The following LRRIQ3 variants were observed in gnomAD, a reference collection of about 807,000 sequenced individuals.
The protein encoded by LRRIQ3 is leucine rich repeats and IQ motif containing 3, also known as leucine-rich repeat and IQ domain-containing protein 3.
Under a neutral mutation model 59.3 loss-of-function variants are expected in LRRIQ3, and 75 were observed. The ratio of observed to expected loss-of-function variants is 1.26; its 90% confidence interval spans 1.05 to 1.53. LRRIQ3 has a LOEUF of 1.53. Ranked by LOEUF, LRRIQ3 falls within the 40% of genes most tolerant of loss-of-function variation. LRRIQ3 has a pLI of 0.00. For missense variants in LRRIQ3, 831 were observed against 710.0 expected (o/e 1.17, Z -1.94); for synonymous variants, 250 against 231.3 (o/e 1.08, Z -0.73).
intron 6 of LRRIQ3, among the ~76,000 whole-genome samples, chr1:74,059,180 C>A (rs1472946058): frequency 6.6e-6 from 1 of 152,044 alleles, no homozygotes; most frequent in African/African-American, 2.4e-5. Context: ...CTTTGAAGCA[C>A]AAAGTGGTTT....
intron 3 of LRRIQ3, among the ~76,000 whole-genome samples, chr1:74,161,332 C>G (rs1648646949): frequency 6.6e-6 from 1 of 152,032 alleles, no homozygotes; most frequent in South Asian, 2.1e-4. Context: ...TAGACCATAG[C>G]AGTCTCACCT....
intron 4 of LRRIQ3, among the ~76,000 whole-genome samples, chr1:74,114,177 T>A (rs990656436): frequency 5.3e-5 from 8 of 152,034 alleles, no homozygotes; most frequent in Middle Eastern, 6.9e-3. Context: ...TAAAGAGAAC[T>A]AAAAATGATA....
At position 74,041,621 on chromosome 1, in the gene LRRIQ3, T is replaced by C; in HGVS notation, c.1310A>G (p.Lys437Arg). The change falls in exon 7 of 8, where the codon AAA (lysine) becomes AGA (arginine). Residue 437 changes from lysine to arginine, a missense_variant. Transcript: ENST00000354431. ...CATGGCTACAACTCTTACTTTTTCT[T>C]TATGGTATTCCTGCTTCTTTTGTTC... ...YTEQKKQEYHKEKVRVVAMAQ... is the reference protein window; with the variant it reads ...YTEQKKQEYHREKVRVVAMAQ... 1 of 1,613,808 alleles carries C rather than the reference T, an allele frequency of 6.2e-7. No homozygotes were observed. The highest frequency in any genetic ancestry group is 8.5e-7 in the Non-Finnish European group (1 of 1,179,850).
Position 74,056,146 on chromosome 1 carries a change from AAAATAAAT to A in LRRIQ3, c.998-14221_998-14214del, listed in dbSNP as rs34325293. Among the ~76,000 whole-genome samples, 1,320 of 142,632 alleles carry A rather than the reference AAAATAAAT, an allele frequency of 9.3e-3. 15 individuals are homozygous for A. The highest frequency in any genetic ancestry group is 0.017 in the African/African-American group (654 of 38,270). The allele number at this position is 142,632 out of a possible 152,430, so 93.6% of individuals were successfully genotyped here. A position where few individuals can be genotyped will look rare whatever the true frequency, so the allele number is the denominator to read the frequency against. On this transcript the variant is annotated intron_variant, in intron 6 of 7. Coordinates refer to ENST00000354431, the MANE Select transcript of LRRIQ3 (RefSeq NM_001105659.2). ...GGTGACAGAGTGAGAATCTGTCTCA[AAAATAAAT>A]AAATAAATAAATAAATAAATAAATA...
chr1:74,168,819 T>C (rs1361614483), intron 3 of LRRIQ3, among the ~76,000 whole-genome samples: 2 of 152,136 alleles, frequency 1.3e-5, no homozygotes, highest in Non-Finnish European at 2.9e-5. Flanking sequence ...ACATATGTAT[T>C]ACTTGTGTTA....
At chr1:74,059,155 T>C (rs1654627030) in intron 6 of LRRIQ3, among the ~76,000 whole-genome samples, 1 of 152,118 alleles carries the variant, frequency 6.6e-6, no homozygotes, top group Non-Finnish European at 1.5e-5. Flanking sequence ...GTCTTTTCAC[T>C]TTCTTGATGG....
At chr1:74,085,389 T>A (rs1646317321) in intron 5 of LRRIQ3, among the ~76,000 whole-genome samples, 1 of 149,306 alleles carries the variant, frequency 6.7e-6, no homozygotes, top group South Asian at 2.1e-4. Context: ...TGTAAAAATG[T>A]TCATATAGAA....
chr1:74,123,615 G>T (rs981792313), intron 4 of LRRIQ3, among the ~76,000 whole-genome samples: 1 of 151,966 alleles, frequency 6.6e-6, no homozygotes, highest in African/African-American at 2.4e-5. Flanking sequence ...CAGCCATGTT[G>T]TTGCAAATGA....
intron 5 of LRRIQ3, chr1:74,109,182 G>T (rs948953540): frequency 3.1e-5 from 11 of 358,848 alleles, no homozygotes; most frequent in African/African-American, 6.4e-5. Flanking sequence ...ATTATTAAAT[G>T]GTTGTGGTAT....
At chr1:74,036,453 G>A (rs1163602177) in intron 7 of LRRIQ3, among the ~76,000 whole-genome samples, 1 of 152,064 alleles carries the variant, frequency 6.6e-6, no homozygotes, top group African/African-American at 2.4e-5. Flanking sequence ...CATAAAAATA[G>A]TTGTCCCTGG....
intron 3 of LRRIQ3, among the ~76,000 whole-genome samples, chr1:74,156,971 A>G (rs1306680505): frequency 1.3e-5 from 2 of 152,116 alleles, no homozygotes; most frequent in Non-Finnish European, 2.9e-5. Flanking sequence ...CACTTAAAAC[A>G]TACACCTTTT....
chr1:74,196,751 T>C (rs997612355), intron 1 of LRRIQ3, among the ~76,000 whole-genome samples: 1 of 152,190 alleles, frequency 6.6e-6, no homozygotes, highest in Non-Finnish European at 1.5e-5. Flanking sequence ...ATATCCAGAA[T>C]CTGACCAACT....
At chr1:74,078,480 C>G (rs536097094) in intron 5 of LRRIQ3, among the ~76,000 whole-genome samples, 38 of 151,762 alleles carry the variant, frequency 2.5e-4, no homozygotes, top group African/African-American at 8.9e-4. Context: ...GGGCAACATA[C>G]GCTTAATCAC....
intron 4 of LRRIQ3, among the ~76,000 whole-genome samples, chr1:74,138,920 T>C (rs1407608080): frequency 6.6e-6 from 1 of 151,678 alleles, no homozygotes; most frequent in East Asian, 2.0e-4. Flanking sequence ...GCGTGGTGGC[T>C]CATGCCTGTA....
At chr1:74,093,825 C>A (rs1646418964) in intron 5 of LRRIQ3, among the ~76,000 whole-genome samples, 1 of 152,032 alleles carries the variant, frequency 6.6e-6, no homozygotes, top group Non-Finnish European at 1.5e-5. Flanking sequence ...TCAGAATCTG[C>A]CAAATACTTC....
intron 5 of LRRIQ3, among the ~76,000 whole-genome samples, chr1:74,087,381 C>CTTTTTTTTTTTTTTTTTTTT (rs57068994): frequency 3.4e-5 from 2 of 59,006 alleles, no homozygotes; most frequent in African/African-American, 1.4e-4. Context: ...AAAATTTTAT[C>CTTTTTTTTTTTTTTTTTTTT]TTTTTTTTTT....
chr1:74,189,630 A>T (rs986591833), intron 1 of LRRIQ3, among the ~76,000 whole-genome samples: 8 of 152,126 alleles, frequency 5.3e-5, no homozygotes, highest in Non-Finnish European at 1.2e-4. Flanking sequence ...GGAGAGACCC[A>T]GTGGGAGATA....
intron 1 of LRRIQ3, among the ~76,000 whole-genome samples, chr1:74,189,317 C>T (rs1650606379): frequency 6.6e-6 from 1 of 152,176 alleles, no homozygotes; most frequent in South Asian, 2.1e-4. Context: ...TCCTCAGCCA[C>T]ATTCTACTGG....
intron 7 of LRRIQ3, among the ~76,000 whole-genome samples, chr1:74,034,943 G>A (rs977081235): frequency 2.1e-4 from 32 of 151,972 alleles, no homozygotes; most frequent in Non-Finnish European, 8.8e-5. Context: ...TTGGCCATTT[G>A]AAATAGCACT....
Sources: allele counts gnomAD v4.1 joint callset (sites outside exome capture counted in the v4.1 genomes callset), GRCh38; gene constraint gnomAD v4.1.1; transcripts MANE v1.5; gene names NCBI Gene and HGNC (gene_info 2026-07-23, HGNC 2026-07-21).